RCAN2: variants seen among roughly 807,000 people sequenced by gnomAD.
The protein encoded by RCAN2 is calcipressin-2.
In RCAN2, 9 loss-of-function variants were observed where a neutral mutation model predicts 23.6. That is an observed-to-expected ratio of 0.38 (90% CI 0.23 to 0.67). The LOEUF is 0.67. Among genes scored for constraint, RCAN2 ranks in the 30% least tolerant of loss-of-function variants. RCAN2 has a pLI of 0.51. For synonymous variants in RCAN2, 109 were observed against 115.7 expected (o/e 0.94, Z 0.37); for missense variants, 273 against 302.3 (o/e 0.90, Z 0.72).
At chr6:46,371,114 A>G (rs1765308721) in intron 2 of RCAN2, among the ~76,000 whole-genome samples, 1 of 152,158 alleles carries the variant, frequency 6.6e-6, no homozygotes, top group African/African-American at 2.4e-5. Context: ...CACCTTCTCA[A>G]AGGACCTATG....
chr6:46,261,631 T>G (rs925168973), intron 2 of RCAN2, among the ~76,000 whole-genome samples: 6 of 152,290 alleles, frequency 3.9e-5, no homozygotes, highest in African/African-American at 1.4e-4. Flanking sequence ...TCTATATATT[T>G]ATATCTATAC....
At chr6:46,341,526 C>T (rs1455203095) in intron 2 of RCAN2, among the ~76,000 whole-genome samples, 1 of 152,126 alleles carries the variant, frequency 6.6e-6, no homozygotes, top group African/African-American at 2.4e-5. Context: ...TGGCCGGGGG[C>T]GGTGGCTCCT....
intron 2 of RCAN2, among the ~76,000 whole-genome samples, chr6:46,389,592 A>T (rs768753391): frequency 1.3e-5 from 2 of 152,230 alleles, no homozygotes; most frequent in Non-Finnish European, 2.9e-5. Context: ...ATTAGGGCTT[A>T]GTACTTTGCT....
chr6:46,469,502 T>C (rs1159902478), intron 1 of RCAN2, among the ~76,000 whole-genome samples: 1 of 152,022 alleles, frequency 6.6e-6, no homozygotes, highest in Non-Finnish European at 1.5e-5. Flanking sequence ...CTACAAAGCA[T>C]TTGGGGGAAG....
chr6:46,259,515 C>G (rs1767040612), intron 2 of RCAN2, among the ~76,000 whole-genome samples: 1 of 152,194 alleles, frequency 6.6e-6, no homozygotes, highest in South Asian at 2.1e-4. Context: ...GAAAGAAAAC[C>G]AAAACATTGG....
At chr6:46,463,944 A>T (rs1290818537) in intron 1 of RCAN2, among the ~76,000 whole-genome samples, 1 of 152,170 alleles carries the variant, frequency 6.6e-6, no homozygotes, top group Non-Finnish European at 1.5e-5. Flanking sequence ...GGCAACAAAT[A>T]AAAAAATATG....
At chr6:46,482,692 CCTT>C (rs1768896116) in intron 1 of RCAN2, among the ~76,000 whole-genome samples, 1 of 152,102 alleles carries the variant, frequency 6.6e-6, no homozygotes, top group African/African-American at 2.4e-5. Flanking sequence ...GATAAAATAA[CCTT>C]CTCATAGTAT....
At chr6:46,350,016 T>C (rs889922476) in intron 2 of RCAN2, among the ~76,000 whole-genome samples, 3 of 152,220 alleles carry the variant, frequency 2.0e-5, no homozygotes, top group Non-Finnish European at 2.9e-5. Flanking sequence ...GGCCCACCTC[T>C]AACAACCTGC....
Position 46,263,515 on chromosome 6 carries a change from G to GTA in RCAN2, c.226-14620_226-14619insTA, listed in dbSNP as rs1489061994. ...TGTGTATGTGTGTATGTGTGTGTATGTGTGTATGTGTGTGTGTGTGTGTAT... is the reference window on the plus strand; with the variant it reads ...TGTGTATGTGTGTATGTGTGTGTATGTATGTGTATGTGTGTGTGTGTGTGTAT... On this transcript the variant is annotated intron_variant, in intron 2 of 4. Coordinates refer to ENST00000371374, the MANE Select transcript of RCAN2 (RefSeq NM_001251974.2). Among the ~76,000 whole-genome samples the GTA allele has an allele frequency of 6.4e-3, 439 of 68,520 alleles. 4 individuals carry two copies. Among genetic ancestry groups the GTA allele is most frequent in the African/African-American group, 0.023 (415 of 17,702 alleles). 45.0% of individuals were successfully genotyped at this position (68,520 alleles called of 152,430 possible).
intron 2 of RCAN2, among the ~76,000 whole-genome samples, chr6:46,433,267 A>G (rs1394773727): frequency 6.6e-6 from 1 of 152,154 alleles, no homozygotes; most frequent in Non-Finnish European, 1.5e-5. Context: ...ACAGTATAGT[A>G]TAACCAGTGG....
intron 2 of RCAN2, among the ~76,000 whole-genome samples, chr6:46,428,078 A>G (rs964569778): frequency 6.6e-6 from 1 of 152,078 alleles, no homozygotes; most frequent in Non-Finnish European, 1.5e-5. Flanking sequence ...CAGCTACAGG[A>G]TGAATCTGTT....
intron 2 of RCAN2, among the ~76,000 whole-genome samples, chr6:46,325,094 T>C (rs1284490428): frequency 3.3e-5 from 5 of 152,204 alleles, no homozygotes; most frequent in African/African-American, 4.8e-5. Flanking sequence ...ATTCTCCTTA[T>C]TGACAAAGAT....
intron 2 of RCAN2, among the ~76,000 whole-genome samples, chr6:46,309,273 A>G (rs1025992798): frequency 6.6e-5 from 10 of 152,190 alleles, no homozygotes; most frequent in African/African-American, 2.4e-4. Flanking sequence ...AGTCTTGCCC[A>G]TGCATTTTGC....
intron 2 of RCAN2, among the ~76,000 whole-genome samples, chr6:46,369,166 T>C (rs890333972): frequency 6.6e-6 from 1 of 152,088 alleles, no homozygotes; most frequent in African/African-American, 2.4e-5. Context: ...TATCACTGTC[T>C]TCCACCTCCA....
intron 1 of RCAN2, among the ~76,000 whole-genome samples, chr6:46,468,414 A>G (rs574394755): frequency 1.3e-5 from 2 of 152,206 alleles, no homozygotes; most frequent in East Asian, 1.9e-4. Context: ...CAATTTTCCA[A>G]CTTAGATGAA....
intron 2 of RCAN2, among the ~76,000 whole-genome samples, chr6:46,369,445 G>A (rs970901712): frequency 1.3e-5 from 2 of 152,158 alleles, no homozygotes; most frequent in African/African-American, 4.8e-5. Context: ...ATGACTGACA[G>A]TATAATATGT....
chr6:46,431,495 T>C (rs931144996), intron 2 of RCAN2, among the ~76,000 whole-genome samples: 2 of 152,220 alleles, frequency 1.3e-5, no homozygotes, highest in Non-Finnish European at 2.9e-5. Context: ...CTCCTTGTTT[T>C]GGTCAGCACT....
intron 2 of RCAN2, among the ~76,000 whole-genome samples, chr6:46,427,596 T>C (rs1475990673): frequency 1.3e-5 from 2 of 152,212 alleles, no homozygotes; most frequent in Non-Finnish European, 2.9e-5. Context: ...AGTAAATAAA[T>C]AATGACATAC....
At chr6:46,223,446 G>C in intron 4 of RCAN2, 145 bp from the exon 5 acceptor site, 1 of 716,786 alleles carries the variant, frequency 1.4e-6, no homozygotes, top group Non-Finnish European at 2.3e-6. Context: ...CAGGGTGTTG[G>C]CAAGTGGAAA....
Sources: allele counts gnomAD v4.1 joint callset (sites outside exome capture counted in the v4.1 genomes callset), GRCh38; gene constraint gnomAD v4.1.1; transcripts MANE v1.5; gene names NCBI Gene and HGNC (gene_info 2026-07-23, HGNC 2026-07-21).